Variants in REPS2 observed in about 807,000 individuals in gnomAD.
REPS2 encodes the protein ralBP1-associated Eps domain-containing protein 2.
Under a neutral mutation model 53.6 loss-of-function variants are expected in REPS2, and 23 were observed. That is an observed-to-expected ratio of 0.43 (90% CI 0.31 to 0.61). REPS2 has a LOEUF of 0.61. Among genes scored for constraint, REPS2 ranks in the 20% least tolerant of loss-of-function variants. The pLI is 0.11. For missense variants in REPS2, 446 were observed against 534.9 expected (o/e 0.83, Z 1.64); for synonymous variants, 238 against 218.6 (o/e 1.09, Z -0.78).
At chrX:17,165,901 A>C in the REPS2 span, among the ~76,000 whole-genome samples, 1 of 111,545 alleles carries the variant, frequency 9.0e-6, no homozygotes, top group Non-Finnish European at 1.9e-5. Flanking sequence ...AAAGGCACTG[A>C]TATATATGTG....
the REPS2 span, among the ~76,000 whole-genome samples, chrX:17,158,405 A>G: frequency 1.8e-5 from 2 of 111,731 alleles, no homozygotes; most frequent in Non-Finnish European, 3.8e-5. Context: ...GCAATTGGAT[A>G]TCCACATGGA....
intron 6 of REPS2, 118 bp from the exon 7 acceptor site, chrX:17,052,264 G>A: frequency 2.0e-6 from 1 of 501,068 alleles, no homozygotes; most frequent in Non-Finnish European, 3.3e-6. Flanking sequence ...GAATAAATAT[G>A]TTTGTGGTTA....
At chrX:17,006,175 G>C in intron 1 of REPS2, 46 bp from the exon 2 acceptor site, 1 of 1,189,328 alleles carries the variant, frequency 8.4e-7, no homozygotes. Flanking sequence ...TCATTTTCCT[G>C]TTGTGAAATT....
chrX:16,989,459 ATACT>A (rs1233014754), intron 1 of REPS2, among the ~76,000 whole-genome samples: 1 of 111,983 alleles, frequency 8.9e-6, no homozygotes, highest in African/African-American at 3.2e-5. Flanking sequence ...AAAATAAAAA[ATACT>A]TACTCTGAGA....
chrX:17,049,844 T>C (rs956211744), intron 6 of REPS2, among the ~76,000 whole-genome samples: 1 of 111,215 alleles, frequency 9.0e-6, no homozygotes, highest in African/African-American at 3.3e-5. Flanking sequence ...AATTTTAAAG[T>C]TTATGAAGTA....
the REPS2 span, among the ~76,000 whole-genome samples, chrX:17,168,445 G>A: frequency 9.0e-6 from 1 of 111,360 alleles, no homozygotes; most frequent in African/African-American, 3.3e-5. Flanking sequence ...CCTAGGAGGT[G>A]GAGGTTGCAG....
At chrX:17,050,870 C>G (rs1014943007) in intron 6 of REPS2, among the ~76,000 whole-genome samples, 1 of 111,472 alleles carries the variant, frequency 9.0e-6, no homozygotes, top group Admixed American at 9.5e-5. Context: ...CAGTTACATT[C>G]TTTAAGTTAT....
intron 1 of REPS2, among the ~76,000 whole-genome samples, chrX:16,994,878 T>C (rs2061213024): frequency 8.9e-6 from 1 of 112,003 alleles, no homozygotes; most frequent in Non-Finnish European, 1.9e-5. Context: ...CTTGTGCCCA[T>C]ACCCTGATTG....
At chrX:16,963,616 A>G (rs2060693619) in intron 1 of REPS2, among the ~76,000 whole-genome samples, 3 of 112,554 alleles carry the variant, frequency 2.7e-5, no homozygotes, top group South Asian at 7.3e-4. Context: ...ATTATGAATT[A>G]CAAGCCTTCC....
intron 1 of REPS2, among the ~76,000 whole-genome samples, chrX:16,996,172 A>C (rs1425712362): frequency 9.0e-6 from 1 of 111,486 alleles, no homozygotes; most frequent in Non-Finnish European, 1.9e-5. Context: ...CAAGCCTTAA[A>C]GTGATGAGTA....
the REPS2 span, among the ~76,000 whole-genome samples, chrX:17,158,848 C>T: frequency 2.1e-4 from 24 of 111,940 alleles, no homozygotes; most frequent in East Asian, 6.8e-3. Context: ...TGCGACCTCA[C>T]CTTCAGCAGC....
chrX:17,036,682 A>C (rs767256847), intron 5 of REPS2, among the ~76,000 whole-genome samples: 1 of 111,844 alleles, frequency 8.9e-6, no homozygotes, highest in South Asian at 3.8e-4. Flanking sequence ...GGTAGAGATT[A>C]GGGCTAAAAA....
intron 9 of REPS2, among the ~76,000 whole-genome samples, chrX:17,064,897 C>T (rs1321429805): frequency 8.9e-6 from 1 of 112,072 alleles, no homozygotes; most frequent in African/African-American, 3.2e-5. Flanking sequence ...GTTTTGTGAC[C>T]GTATTCTTTC....
chrX:17,116,776 A>G (rs1040028058), intron 14 of REPS2, among the ~76,000 whole-genome samples: 2 of 112,282 alleles, frequency 1.8e-5, no homozygotes, highest in African/African-American at 6.5e-5. Context: ...TGAGGATTCT[A>G]AAATACTTAC....
intron 1 of REPS2, among the ~76,000 whole-genome samples, chrX:16,952,049 A>T (rs1412262720): frequency 8.9e-6 from 1 of 112,104 alleles, no homozygotes; most frequent in Non-Finnish European, 1.9e-5. Context: ...TTATGTAATT[A>T]TACACATATG....
chrX:17,007,116 A>G (rs1002167981), intron 2 of REPS2, among the ~76,000 whole-genome samples: 1 of 111,835 alleles, frequency 8.9e-6, no homozygotes, highest in Non-Finnish European at 1.9e-5. Flanking sequence ...TCTCATTCTG[A>G]GACTAAAAAC....
At chrX:16,962,574 A>G (rs771372121) in intron 1 of REPS2, among the ~76,000 whole-genome samples, 1 of 111,709 alleles carries the variant, frequency 9.0e-6, no homozygotes, top group East Asian at 2.8e-4. Context: ...TGTAGGCTCA[A>G]TAAGTCTAGA....
At chrX:17,035,065 C>T (rs1194524339) in intron 5 of REPS2, among the ~76,000 whole-genome samples, 1 of 110,222 alleles carries the variant, frequency 9.1e-6, no homozygotes, top group African/African-American at 3.3e-5. Flanking sequence ...CTCCTTGGGT[C>T]CTCTTGGAAC....
chrX:17,136,284 G>A (rs2063364942), intron 16 of REPS2: 2 of 112,350 alleles, frequency 1.8e-5, no homozygotes, highest in Non-Finnish European at 3.8e-5. Context: ...ACTTGTCTTT[G>A]AAGCCAAAGT....
Sources: allele counts gnomAD v4.1 joint callset (sites outside exome capture counted in the v4.1 genomes callset), GRCh38; gene constraint gnomAD v4.1.1; transcripts MANE v1.5; gene names NCBI Gene and HGNC (gene_info 2026-07-23, HGNC 2026-07-21).